Variants in CPLANE1 observed in about 807,000 individuals in gnomAD.
CPLANE1 encodes the protein ciliogenesis and planar polarity effector 1.
A neutral mutation model predicts 362.5 loss-of-function variants in CPLANE1; 263 were observed. The ratio of observed to expected loss-of-function variants is 0.73; its 90% CI spans 0.66 to 0.80. The LOEUF is 0.80. Among genes scored for constraint, CPLANE1 ranks in the 30% least tolerant of loss-of-function variants. CPLANE1 has a pLI of 0.00. For missense variants in CPLANE1, 3,461 were observed against 3,793.4 expected (o/e 0.91, Z 2.30); for synonymous variants, 1,212 against 1,302.6 (o/e 0.93, Z 1.50).
At position 37,128,488 on chromosome 5, in the gene CPLANE1, A is replaced by G. The variant is rs192281643; in HGVS notation, c.8793-3079T>C. ...CTGCTGAAAGAAATCACAAATAACA[A>G]TACAAATGGAAACATATCCCATGCT... On this transcript the variant is annotated intron_variant, in intron 46 of 52. Coordinates refer to ENST00000651892, the MANE Select transcript of CPLANE1 (RefSeq NM_001384732.1). 3.1e-4 allele frequency among the ~76,000 whole-genome samples: 47 copies of G among 152,334 alleles called. No homozygotes were observed. The East Asian group carries it at 9.1e-3, about 29-fold the overall frequency.
At chr5:37,114,904 A>C in intron 51 of CPLANE1, 56 bp downstream of exon 51, 1 of 1,160,362 alleles carries the variant, frequency 8.6e-7, no homozygotes, top group Non-Finnish European at 1.2e-6. Flanking sequence ...GTCTCAAAAA[A>C]AAAAAAAAGA....
chr5:37,174,215 C>G lies in CPLANE1; in HGVS notation c.5979-268G>C, dbSNP rs952579660. 6.6e-5 allele frequency among the ~76,000 whole-genome samples: 10 copies of G among 152,288 alleles called. 1 individual carries two copies. The South Asian group carries it at 1.7e-3, about 25-fold the overall frequency. ...TCATAGGGTGTTGCAAACCCAAGAG[C>G]TGACATATATTTTACTTGCCTGGTC... On this transcript the variant is annotated intron_variant, in intron 31 of 52. Coordinates refer to ENST00000651892, the MANE Select transcript of CPLANE1 (RefSeq NM_001384732.1).
chr5:37,139,221 A>G, intron 45 of CPLANE1, 119 bp downstream of exon 45: 1 of 996,848 alleles, frequency 1.0e-6, no homozygotes, highest in Non-Finnish European at 1.4e-6. Flanking sequence ...ATGAAAACTT[A>G]TATTCCTTTA....
Position 37,245,770 on chromosome 5 carries a change from T to A in CPLANE1, c.157A>T (p.Lys53Ter). 6.5e-7 allele frequency: 1 copy of A among 1,537,106 alleles called. No individual in the cohort carries two copies. Among genetic ancestry groups the A allele is most frequent in the South Asian group, 1.3e-5 (1 of 79,102 alleles). Reference protein sequence around the residue: ...INLLSGKIKKKIPSLQPFLKD... With the variant: ...INLLSGKIKK ...AAGAAAGGCTGCAGACTAGGAATTTTCTTCTTTATCTTTCCTGATAGCAAA... is the reference window on the plus strand; with the variant it reads ...AAGAAAGGCTGCAGACTAGGAATTTACTTCTTTATCTTTCCTGATAGCAAA... The change falls in exon 3 of 53, where the codon AAA (lysine) becomes TAA (stop). Residue 53 changes from lysine (K) to a stop codon, truncating the protein, a stop_gained. Coordinates refer to ENST00000651892, the MANE Select transcript of CPLANE1 (RefSeq NM_001384732.1). LOFTEE classifies it high-confidence loss of function.
At position 37,118,402 on chromosome 5, in the gene CPLANE1, A is replaced by C. The variant is rs1480412195; in HGVS notation, c.9310+1814T>G. On this transcript the variant is annotated intron_variant, in intron 50 of 52. Transcript: ENST00000651892. ...AGACTGGGCAACACACTGTGTCTCA[A>C]AAAAAAAAAAAAAAAGGCCAAGAGC... 3.1e-4 allele frequency among the ~76,000 whole-genome samples: 43 copies of C among 140,172 alleles called. No individual in the cohort carries two copies. The East Asian group carries it at 8.3e-3, about 27-fold the overall frequency. The allele number at this position is 140,172 out of a possible 152,430, so 92.0% of individuals were successfully genotyped here.
intron 28 of CPLANE1, 102 bp downstream of exon 28, chr5:37,179,915 A>T: frequency 1.5e-6 from 1 of 673,690 alleles, no homozygotes; most frequent in Non-Finnish European, 2.4e-6. Flanking sequence ...TACTGTAAAC[A>T]TACTAACTTA....
chr5:37,137,709 T>C (rs996816647), intron 46 of CPLANE1, among the ~76,000 whole-genome samples: 2 of 151,914 alleles, frequency 1.3e-5, no homozygotes, highest in African/African-American at 4.8e-5. Flanking sequence ...GAAGAATGAG[T>C]GCCCACTGAA....
intron 21 of CPLANE1, among the ~76,000 whole-genome samples, chr5:37,193,382 T>C (rs933887928): frequency 2.0e-5 from 3 of 152,016 alleles, no homozygotes; most frequent in Non-Finnish European, 4.4e-5. Flanking sequence ...GGGCCAGGCA[T>C]GGTAGCTCAC....
Position 37,205,574 on chromosome 5 carries a change from C to CT in CPLANE1, c.3150-121_3150-120insA, listed in dbSNP as rs554727774. The CT allele has an allele frequency of 1.4e-3, 939 of 659,982 alleles. 18 individuals are homozygous for CT. In the South Asian group the frequency reaches 0.021, roughly 15 times the overall value. The allele number at this position is 659,982 out of a possible 1,614,324, so 40.9% of individuals were successfully genotyped here. A position where few individuals can be genotyped will look rare whatever the true frequency, so the allele number is the denominator to read the frequency against. ...CAATGGAATTTACTTTTTTATCTAT[C>CT]GTACATGTAAAAAAGATATATTCAA... On this transcript the variant is annotated intron_variant, in intron 17 of 52. Coordinates refer to ENST00000651892, the MANE Select transcript of CPLANE1 (RefSeq NM_001384732.1).
Position 37,209,936 on chromosome 5 carries a change from CAA to C in CPLANE1, c.2921-3513_2921-3512del. 7.6e-7 allele frequency: 1 copy of C among 1,317,168 alleles called. No homozygotes were observed. The highest frequency in any genetic ancestry group is 2.3e-5 in the East Asian group (1 of 43,526). 81.6% of individuals were successfully genotyped at this position (1,317,168 alleles called of 1,614,324 possible). On this transcript the variant is annotated intron_variant, in intron 16 of 52. Coordinates refer to ENST00000651892, the MANE Select transcript of CPLANE1 (RefSeq NM_001384732.1). The surrounding 1 kb of genome is among the most constrained non-coding windows in gnomAD (Gnocchi z 4.6). ...TTGCAGATGCTTACCCTCAGCGTAT[CAA>C]GTTTGAGTCTTTAGAAATAAAGCTA...
At chr5:37,121,949 G>A (rs945927111) in intron 48 of CPLANE1, among the ~76,000 whole-genome samples, 165 bp from the exon 49 acceptor site, 19 of 150,602 alleles carry the variant, frequency 1.3e-4, no homozygotes, top group African/African-American at 4.2e-4. Context: ...GCGTGATCTC[G>A]GCTCACTGCA....
At chr5:37,183,759 T>G in intron 25 of CPLANE1, 60 bp from the exon 26 acceptor site, 1 of 1,194,702 alleles carries the variant, frequency 8.4e-7, no homozygotes, top group South Asian at 1.6e-5. Context: ...AAAACTGATC[T>G]TAGAATTGAC....
chr5:37,150,753 A>G (rs1773300905), intron 42 of CPLANE1, among the ~76,000 whole-genome samples: 1 of 152,234 alleles, frequency 6.6e-6, no homozygotes, highest in African/African-American at 2.4e-5. Context: ...AACACTTATC[A>G]GTGGACCTGG....
chr5:37,228,403 T>C (rs1239259232), intron 9 of CPLANE1, among the ~76,000 whole-genome samples: 1 of 152,178 alleles, frequency 6.6e-6, no homozygotes, highest in African/African-American at 2.4e-5. Flanking sequence ...TCAAAGTATA[T>C]TGTAATTTTT....
At chr5:37,230,255 T>C (rs796606370) in intron 9 of CPLANE1, among the ~76,000 whole-genome samples, 7 of 149,358 alleles carry the variant, frequency 4.7e-5, no homozygotes, top group African/African-American at 1.7e-4. Flanking sequence ...CCCAAAGTCA[T>C]ACAACTAATA....
intron 2 of CPLANE1, among the ~76,000 whole-genome samples, chr5:37,246,883 G>C (rs1433453163): frequency 6.6e-6 from 1 of 151,980 alleles, no homozygotes; most frequent in African/African-American, 2.4e-5. Context: ...GTCCAGCCTG[G>C]GCAACAGAGC....
intron 16 of CPLANE1, among the ~76,000 whole-genome samples, chr5:37,208,729 G>C (rs1172504044): frequency 6.8e-6 from 1 of 147,974 alleles, no homozygotes; most frequent in African/African-American, 2.5e-5. Context: ...CCTCCTCAGA[G>C]AGCTACTCCT....
At chr5:37,224,206 AG>A in intron 14 of CPLANE1, 46 bp downstream of exon 14, 1 of 1,263,692 alleles carries the variant, frequency 7.9e-7, no homozygotes, top group Non-Finnish European at 1.1e-6. Context: ...GCAAGCTAAA[AG>A]GAGTCCTGCT....
At chr5:37,078,297 T>G in the CPLANE1 span, among the ~76,000 whole-genome samples, 1 of 152,334 alleles carries the variant, frequency 6.6e-6, no homozygotes, top group Admixed American at 6.5e-5. Flanking sequence ...ATATGCACTG[T>G]TTGGTTTTCC....
Sources: gnomAD v4.1 joint callset for allele counts (sites outside exome capture counted in the v4.1 genomes callset) on GRCh38, gnomAD v4.1.1 for gene constraint, Gnocchi (gnomAD v3.1) non-coding constraint, MANE v1.5 for transcripts, NCBI Gene and HGNC (gene_info 2026-07-23, HGNC 2026-07-21) for gene names.